The following OPA1 variants were observed in gnomAD, a reference collection of about 807,000 sequenced individuals.
The protein encoded by OPA1 is dynamin-like GTPase OPA1, mitochondrial.
Under a neutral mutation model 152.9 loss-of-function variants are expected in OPA1, and 59 were observed. The ratio of observed to expected loss-of-function variants is 0.39; its 90% CI spans 0.31 to 0.48. OPA1 has a LOEUF of 0.48. OPA1 is among the 20% of genes least tolerant of loss of function. The pLI is 0.96. For synonymous variants in OPA1, 400 were observed against 389.9 expected (o/e 1.03, Z -0.31); for missense variants, 1,008 against 1,216.8 (o/e 0.83, Z 2.55).
chr3:193,605,608 T>C (rs1301355862), intron 1 of OPA1, among the ~76,000 whole-genome samples: 1 of 152,234 alleles, frequency 6.6e-6, no homozygotes, highest in Non-Finnish European at 1.5e-5. Flanking sequence ...AGTTTCGATC[T>C]TATCAATTTC....
chr3:193,634,033 C>A (rs1247911011), intron 8 of OPA1, among the ~76,000 whole-genome samples: 1 of 152,102 alleles, frequency 6.6e-6, no homozygotes, highest in Non-Finnish European at 1.5e-5. Context: ...AGGATAGAAC[C>A]ATGATTTCCT....
chr3:193,637,154 CT>C, intron 9 of OPA1, 40 bp from the exon 10 acceptor site: 1 of 1,125,966 alleles, frequency 8.9e-7, no homozygotes. Context: ...TTTTTCTTTA[CT>C]TTTACTGTTT....
intron 6 of OPA1, among the ~76,000 whole-genome samples, chr3:193,619,218 G>C (rs182596785): frequency 1.1e-3 from 169 of 152,292 alleles, no homozygotes; most frequent in African/African-American, 3.8e-3. Flanking sequence ...GGGGAGAAAG[G>C]CTCGTTTAGA....
chr3:193,646,138 A>G (rs569197121), intron 18 of OPA1, among the ~76,000 whole-genome samples: 1 of 152,306 alleles, frequency 6.6e-6, no homozygotes, highest in African/African-American at 2.4e-5. Context: ...TTTCTCTTAC[A>G]GTATTGGGGA....
At position 193,597,005 on chromosome 3, in the gene OPA1, C is replaced by T. The variant is rs1291762331; in HGVS notation, c.32+3596C>T. The T allele has an allele frequency of 2.6e-5, 4 of 152,136 alleles. No homozygotes were observed. In the South Asian group the frequency reaches 6.2e-4, roughly 24 times the overall value. The allele number at this position is 152,136 out of a possible 1,614,324, so 9.4% of individuals were successfully genotyped here. A position where few individuals can be genotyped will look rare whatever the true frequency, so the allele number is the denominator to read the frequency against. On this transcript the variant is annotated intron_variant, in intron 1 of 30. Transcript: ENST00000361510. Reference sequence around the variant, plus strand: ...TGATGGTGACAGAGAGTGGTGTCAACGCCTAAAGTTTTGGTTAATCTCTCT... The same window carrying T: ...TGATGGTGACAGAGAGTGGTGTCAATGCCTAAAGTTTTGGTTAATCTCTCT...
At chr3:193,635,556 T>C (rs1732799615) in intron 9 of OPA1, 34 bp downstream of exon 9, 1 of 1,283,422 alleles carries the variant, frequency 7.8e-7, no homozygotes, top group South Asian at 1.2e-5. Context: ...TTCTCAAAAT[T>C]TTACCGCTTA....
intron 29 of OPA1, among the ~76,000 whole-genome samples, chr3:193,688,210 C>G (rs573632889): frequency 6.6e-6 from 1 of 152,056 alleles, no homozygotes. Flanking sequence ...ATTGACCGTA[C>G]GCAGTGATCA....
intron 1 of OPA1, among the ~76,000 whole-genome samples, chr3:193,606,356 T>C (rs1727275171): frequency 6.6e-6 from 1 of 152,150 alleles, no homozygotes; most frequent in African/African-American, 2.4e-5. Flanking sequence ...CATGTTGGTG[T>C]GCTGCACCCA....
chr3:193,607,316 G>T (rs1474183295), intron 1 of OPA1, among the ~76,000 whole-genome samples: 1 of 152,134 alleles, frequency 6.6e-6, no homozygotes, highest in African/African-American at 2.4e-5. Context: ...ATTGCTTTTG[G>T]TGTTTTAGAC....
Position 193,676,838 on chromosome 3 carries a change from A to G in OPA1, c.2983+9558A>G, listed in dbSNP as rs193138972. On this transcript the variant is annotated intron_variant, in intron 29 of 30. Transcript: ENST00000361510. The stretch of plus-strand genomic sequence containing the variant: ...TACTAAAAATACAAAAAATTTAGCC[A>G]GGCGTGGTGGCGGGCGCCTGTAGTC... Among the ~76,000 whole-genome samples the G allele has an allele frequency of 2.5e-3, 380 of 152,112 alleles. 3 individuals carry two copies. The highest frequency in any genetic ancestry group is 3.1e-3 in the African/African-American group (128 of 41,510).
At chr3:193,654,555 A>G (rs182291553) in intron 21 of OPA1, among the ~76,000 whole-genome samples, 134 of 152,264 alleles carry the variant, frequency 8.8e-4, no homozygotes, top group Non-Finnish European at 1.7e-3. Flanking sequence ...ACCTCAAAAT[A>G]ATTATGCTGG....
At chr3:193,626,486 T>C (rs759284606) in intron 7 of OPA1, among the ~76,000 whole-genome samples, 1 of 152,222 alleles carries the variant, frequency 6.6e-6, no homozygotes, top group Non-Finnish European at 1.5e-5. Flanking sequence ...AATTTCTGTT[T>C]ATGTGGTCCA....
chr3:193,621,880 A>G (rs1008116648), intron 6 of OPA1, among the ~76,000 whole-genome samples: 1 of 152,220 alleles, frequency 6.6e-6, no homozygotes, highest in African/African-American at 2.4e-5. Context: ...TTTGGGAGTC[A>G]GCAGATTGCT....
chr3:193,683,871 C>G (rs183106514), intron 29 of OPA1, among the ~76,000 whole-genome samples: 28 of 152,302 alleles, frequency 1.8e-4, no homozygotes, highest in East Asian at 1.7e-3. Context: ...ATGTGACTCA[C>G]TTTATTGTGA....
At chr3:193,647,715 A>T (rs779967899) in intron 19 of OPA1, among the ~76,000 whole-genome samples, 17 of 152,354 alleles carry the variant, frequency 1.1e-4, no homozygotes, top group Middle Eastern at 3.4e-3. Context: ...GAAGACAGTT[A>T]CTTACCCAAA....
intron 26 of OPA1, among the ~76,000 whole-genome samples, chr3:193,664,434 G>A (rs1250758816): frequency 2.0e-5 from 3 of 151,656 alleles, no homozygotes; most frequent in Non-Finnish European, 4.4e-5. Context: ...GGATCATATT[G>A]GTATGGTAGC....
intron 29 of OPA1, among the ~76,000 whole-genome samples, chr3:193,674,889 T>C (rs1245954936): frequency 6.6e-6 from 1 of 152,130 alleles, no homozygotes; most frequent in African/African-American, 2.4e-5. Flanking sequence ...TGTTTAAAAC[T>C]GTTTGCGGAG....
At chr3:193,683,743 A>G (rs1375274048) in intron 29 of OPA1, among the ~76,000 whole-genome samples, 2 of 152,346 alleles carry the variant, frequency 1.3e-5, no homozygotes, top group Middle Eastern at 3.4e-3. Flanking sequence ...TGTTAGCAAT[A>G]AAGTACTTTT....
In OPA1 at chr3:193,643,359, T is replaced by C. The variant is rs1468221107; in HGVS notation, c.1306-14T>C. ...AAACTTTAGCATTGTTTTATTTTTATTTTTCCTGAGTAGACCATATCCTTA... is the reference window on the plus strand; with the variant it reads ...AAACTTTAGCATTGTTTTATTTTTACTTTTCCTGAGTAGACCATATCCTTA... On this transcript the variant is annotated splice_polypyrimidine_tract_variant and intron_variant, in intron 13 of 30. Transcript: ENST00000361510. The C allele has an allele frequency of 1.3e-6, 2 of 1,596,576 alleles. No individual in the cohort carries two copies. Among genetic ancestry groups the C allele is most frequent in the Non-Finnish European group, 1.7e-6 (2 of 1,164,596 alleles).
Sources: allele counts gnomAD v4.1 joint callset (sites outside exome capture counted in the v4.1 genomes callset), GRCh38; gene constraint gnomAD v4.1.1; transcripts MANE v1.5; gene names NCBI Gene and HGNC (gene_info 2026-07-23, HGNC 2026-07-21).